The following RBFOX1 variants were observed in gnomAD, a reference collection of about 807,000 sequenced individuals.
RBFOX1 encodes RNA binding protein fox-1 homolog 1.
A neutral mutation model predicts 57.7 loss-of-function variants in RBFOX1; 8 were observed. That is an observed-to-expected ratio of 0.14 (90% CI 0.08 to 0.25). The LOEUF is 0.25. Ranked by LOEUF, RBFOX1 falls within the 10% of genes least tolerant of loss-of-function variation. RBFOX1 has a pLI of 1.00. For missense variants in RBFOX1, 611 were observed against 548.5 expected (o/e 1.11, Z -1.14); for synonymous variants, 326 against 222.4 (o/e 1.47, Z -4.15).
At chr16:5,501,365 C>G (rs961138655) in intron 2 of RBFOX1, among the ~76,000 whole-genome samples, 2 of 144,530 alleles carry the variant, frequency 1.4e-5, no homozygotes, top group Non-Finnish European at 3.0e-5. Flanking sequence ...TATCAATTAT[C>G]TATTCCCCAG....
At chr16:6,929,515 A>G (rs1322869732) in intron 3 of RBFOX1, among the ~76,000 whole-genome samples, 2 of 152,152 alleles carry the variant, frequency 1.3e-5, no homozygotes, top group Non-Finnish European at 2.9e-5. Context: ...GCAAGCCACA[A>G]TATTTTCAGA....
intron 1 of RBFOX1, among the ~76,000 whole-genome samples, chr16:5,352,007 T>G (rs1257121959): frequency 6.6e-6 from 1 of 152,192 alleles, no homozygotes; most frequent in Non-Finnish European, 1.5e-5. Flanking sequence ...GGTTTCACCA[T>G]GTTGGCCAGG....
intron 4 of RBFOX1, among the ~76,000 whole-genome samples, chr16:7,158,621 G>A (rs2077634322): frequency 6.6e-6 from 1 of 151,984 alleles, no homozygotes; most frequent in African/African-American, 2.4e-5. Flanking sequence ...TTTGTATGAT[G>A]TGTCTGCATG....
At chr16:7,436,894 A>AC (rs912980602) in intron 4 of RBFOX1, among the ~76,000 whole-genome samples, 1 of 152,112 alleles carries the variant, frequency 6.6e-6, no homozygotes, top group African/African-American at 2.4e-5. Flanking sequence ...AAGCCCCATC[A>AC]CTACTAAAAA....
chr16:5,338,257 C>T (rs2064948073), intron 1 of RBFOX1, among the ~76,000 whole-genome samples: 1 of 152,072 alleles, frequency 6.6e-6, no homozygotes, highest in Non-Finnish European at 1.5e-5. Context: ...GAATCTTGGC[C>T]ATAGCTGATT....
intron 1 of RBFOX1, among the ~76,000 whole-genome samples, chr16:6,271,462 T>A (rs771194827): frequency 6.6e-6 from 1 of 151,878 alleles, no homozygotes; most frequent in Non-Finnish European, 1.5e-5. Flanking sequence ...GTTATAAAGA[T>A]GAGAGCAGAA....
At chr16:5,754,535 C>G (rs2053331341) in intron 3 of RBFOX1, among the ~76,000 whole-genome samples, 1 of 134,952 alleles carries the variant, frequency 7.4e-6, no homozygotes, top group Non-Finnish European at 1.6e-5. Context: ...GAGGATCCCG[C>G]CAGCCTCTGA....
chr16:5,477,098 C>T lies in RBFOX1; in HGVS notation c.258+9844C>T, dbSNP rs201182760. 6.6e-4 allele frequency among the ~76,000 whole-genome samples: 101 copies of T among 152,334 alleles called. No homozygotes were observed. In the East Asian group the frequency reaches 8.5e-3, roughly 13 times the overall value. On this transcript the variant is annotated intron_variant, in intron 2 of 2. Transcript: ENST00000585867. ...GTACAATGAAGGCTCACAGCAGCCT[C>T]GACCTCCTGGGCTCAGGCGATACCT...
chr16:6,100,733 C>A (rs1040512616), intron 1 of RBFOX1, among the ~76,000 whole-genome samples: 1 of 152,072 alleles, frequency 6.6e-6, no homozygotes, highest in African/African-American at 2.4e-5. Flanking sequence ...AGAAGAATCC[C>A]GGTCCATCAA....
At chr16:6,110,384 T>A (rs992998260) in intron 1 of RBFOX1, among the ~76,000 whole-genome samples, 4 of 152,018 alleles carry the variant, frequency 2.6e-5, no homozygotes, top group African/African-American at 9.7e-5. Flanking sequence ...AATTATAAAA[T>A]AAAATAAAAG....
At chr16:6,581,438 C>A (rs902704674) in intron 2 of RBFOX1, among the ~76,000 whole-genome samples, 1 of 152,172 alleles carries the variant, frequency 6.6e-6, no homozygotes, top group African/African-American at 2.4e-5. Flanking sequence ...TTCCTTCCCC[C>A]AGCTGTGTTG....
intron 1 of RBFOX1, among the ~76,000 whole-genome samples, chr16:6,300,487 A>G (rs945217047): frequency 4.6e-5 from 7 of 152,120 alleles, no homozygotes; most frequent in African/African-American, 1.7e-4. Flanking sequence ...CAACCCAACT[A>G]CCTACCTCAC....
At chr16:6,155,334 G>A (rs2096830945) in intron 1 of RBFOX1, among the ~76,000 whole-genome samples, 1 of 152,124 alleles carries the variant, frequency 6.6e-6, no homozygotes, top group African/African-American at 2.4e-5. Context: ...GTGGAGCTGT[G>A]CACTGTTGAG....
intron 3 of RBFOX1, among the ~76,000 whole-genome samples, chr16:6,724,287 G>C (rs2066666981): frequency 1.4e-5 from 2 of 146,884 alleles, no homozygotes; most frequent in Non-Finnish European, 3.0e-5. Flanking sequence ...TCTGCTGACT[G>C]TAACCTCTGC....
intron 2 of RBFOX1, among the ~76,000 whole-genome samples, chr16:6,358,521 T>A (rs899803317): frequency 6.6e-6 from 1 of 152,034 alleles, no homozygotes; most frequent in Non-Finnish European, 1.5e-5. Flanking sequence ...AGCTGAAGAG[T>A]CTCATTTTTT....
At chr16:6,182,956 TG>T (rs1052416766) in intron 1 of RBFOX1, among the ~76,000 whole-genome samples, 96 of 152,310 alleles carry the variant, frequency 6.3e-4, no homozygotes, top group African/African-American at 2.1e-3. Flanking sequence ...TTTAGTAGTA[TG>T]GGGCGAAGGA....
chr16:6,999,409 TAC>T (rs1208261620), intron 3 of RBFOX1, among the ~76,000 whole-genome samples: 1 of 151,312 alleles, frequency 6.6e-6, no homozygotes, highest in Non-Finnish European at 1.5e-5. Context: ...GATTTGGTGA[TAC>T]TTAAACTCAT....
intron 3 of RBFOX1, among the ~76,000 whole-genome samples, chr16:5,733,351 G>A (rs1442164562): frequency 6.6e-6 from 1 of 152,148 alleles, no homozygotes; most frequent in Non-Finnish European, 1.5e-5. Context: ...AGCCATGGGG[G>A]TCCAGGAAGG....
chr16:7,591,673 G>T (rs1262880807), intron 7 of RBFOX1, among the ~76,000 whole-genome samples: 1 of 152,112 alleles, frequency 6.6e-6, no homozygotes, highest in Admixed American at 6.5e-5. Context: ...GTGTGTCTCT[G>T]ACTCCCCTTC....
Sources: allele counts gnomAD v4.1 joint callset (sites outside exome capture counted in the v4.1 genomes callset), GRCh38; gene constraint gnomAD v4.1.1; transcripts MANE v1.5; gene names NCBI Gene and HGNC (gene_info 2026-07-23, HGNC 2026-07-21).